The following ADAM10 variants were observed in gnomAD, a reference collection of about 807,000 sequenced individuals.
ADAM10 encodes ADAM metallopeptidase domain 10, also known as disintegrin and metalloproteinase domain-containing protein 10.
ADAM10 carries 17 observed loss-of-function variants against 90.1 expected under a neutral mutation model. That is an observed-to-expected ratio of 0.19 (90% CI 0.13 to 0.28). ADAM10 has a LOEUF of 0.28. Ranked by LOEUF, ADAM10 falls within the 10% of genes least tolerant of loss-of-function variation. The pLI, the probability that ADAM10 is intolerant of heterozygous loss-of-function variation, is 1.00. For synonymous variants in ADAM10, 310 were observed against 298.6 expected (o/e 1.04, Z -0.40); for missense variants, 610 against 914.3 (o/e 0.67, Z 4.29).
chr15:58,641,207 G>C (rs914824972), intron 7 of ADAM10, among the ~76,000 whole-genome samples: 1 of 152,178 alleles, frequency 6.6e-6, no homozygotes, highest in Non-Finnish European at 1.5e-5. Context: ...AAATTTCTGA[G>C]CAAGTATTCA....
chr15:58,638,225 T>TAA (rs1380679631), intron 8 of ADAM10, among the ~76,000 whole-genome samples: 1 of 150,986 alleles, frequency 6.6e-6, no homozygotes, highest in African/African-American at 2.4e-5. Flanking sequence ...GATAATAATA[T>TAA]AAAAGGAAAA....
At chr15:58,721,807 C>T (rs1898863523) in intron 1 of ADAM10, among the ~76,000 whole-genome samples, 1 of 152,082 alleles carries the variant, frequency 6.6e-6, no homozygotes, top group Admixed American at 6.5e-5. Flanking sequence ...GGGGGTGAAT[C>T]GCTTGAGGTC....
At chr15:58,617,221 A>G (rs1895641414) in intron 11 of ADAM10, among the ~76,000 whole-genome samples, 2 of 152,136 alleles carry the variant, frequency 1.3e-5, no homozygotes, top group African/African-American at 4.8e-5. Flanking sequence ...AAAATATCCA[A>G]ATAAAATCAG....
chr15:58,648,187 C>A (rs1380259610), intron 5 of ADAM10, among the ~76,000 whole-genome samples: 1 of 152,132 alleles, frequency 6.6e-6, no homozygotes, highest in Non-Finnish European at 1.5e-5. Flanking sequence ...GATATATACA[C>A]AATAAAACTT....
chr15:58,698,604 T>C (rs959964503), intron 2 of ADAM10, among the ~76,000 whole-genome samples: 13 of 146,400 alleles, frequency 8.9e-5, no homozygotes, highest in Admixed American at 5.4e-4. Flanking sequence ...TAGACAGATA[T>C]CATAAAAAAG....
In ADAM10 at chr15:58,717,559, A is replaced by G; in HGVS notation, c.206+18T>C. On this transcript the variant is annotated intron_variant, in intron 2 of 15. Transcript: ENST00000260408. ...ATATAGAGGAACTTCAGACACAGTC[A>G]GCAATAAATTTACTTACCTTCCATG... 1 of 1,613,768 alleles carries G rather than the reference A, an allele frequency of 6.2e-7. No individual in the cohort carries two copies. Among genetic ancestry groups the G allele is most frequent in the Non-Finnish European group, 8.5e-7 (1 of 1,179,864 alleles).
At chr15:58,693,347 G>A (rs539027151) in intron 2 of ADAM10, among the ~76,000 whole-genome samples, 7 of 152,242 alleles carry the variant, frequency 4.6e-5, no homozygotes, top group African/African-American at 1.4e-4. Context: ...ATTCTGCCTC[G>A]TAAATGGACC....
chr15:58,638,567 A>G (rs1187347710), intron 8 of ADAM10, among the ~76,000 whole-genome samples: 1 of 148,692 alleles, frequency 6.7e-6, no homozygotes, highest in East Asian at 2.0e-4. Flanking sequence ...GTGAGCGGAG[A>G]TCGCGCCACT....
chr15:58,649,718 A>T (rs775721307), intron 5 of ADAM10, among the ~76,000 whole-genome samples: 35 of 152,264 alleles, frequency 2.3e-4, no homozygotes, highest in Non-Finnish European at 2.8e-4. Context: ...TTTTAAGATT[A>T]TATCTTTGGC....
chr15:58,604,439 T>C (rs1895211143), intron 14 of ADAM10, among the ~76,000 whole-genome samples: 1 of 152,232 alleles, frequency 6.6e-6, no homozygotes, highest in African/African-American at 2.4e-5. Flanking sequence ...CCCAGTTCTG[T>C]GAAAACAGCA....
intron 14 of ADAM10, among the ~76,000 whole-genome samples, chr15:58,607,963 T>A (rs1895324930): frequency 6.6e-6 from 1 of 152,220 alleles, no homozygotes; most frequent in South Asian, 2.1e-4. Context: ...ACAGATTTAC[T>A]GATGAATGCT....
chr15:58,628,825 C>T (rs940432752), intron 9 of ADAM10, among the ~76,000 whole-genome samples: 1 of 152,172 alleles, frequency 6.6e-6, no homozygotes, highest in Non-Finnish European at 1.5e-5. Context: ...TGCCCAAGGA[C>T]GTTCTGTTTT....
chr15:58,638,582 T>C (rs1273483265), intron 8 of ADAM10, among the ~76,000 whole-genome samples: 1 of 129,700 alleles, frequency 7.7e-6, no homozygotes, highest in Non-Finnish European at 1.5e-5. Context: ...GCCACTGCAC[T>C]CCAGCCTGGG....
At chr15:58,674,566 A>T (rs1182784606) in intron 4 of ADAM10, among the ~76,000 whole-genome samples, 2 of 152,206 alleles carry the variant, frequency 1.3e-5, no homozygotes, top group Non-Finnish European at 2.9e-5. Flanking sequence ...ATCAATACTT[A>T]CCAATTCAAT....
intron 1 of ADAM10, among the ~76,000 whole-genome samples, chr15:58,730,504 G>A (rs1185346948): frequency 6.6e-6 from 1 of 151,370 alleles, no homozygotes; most frequent in African/African-American, 2.4e-5. Flanking sequence ...CCTACAAAAT[G>A]TTACAGAACA....
At position 58,607,956 on chromosome 15, in the gene ADAM10, G is replaced by T. The variant is rs149462527; in HGVS notation, c.2025+2341C>A. Among the ~76,000 whole-genome samples, 302 of 152,298 alleles carry T rather than the reference G, an allele frequency of 2.0e-3. 4 individuals are homozygous for T. The East Asian group carries it at 0.05, about 25-fold the overall frequency. Reference sequence around the variant, plus strand: ...GAGATGCTGAAATAAGGTCTCAACAGATTTACTGATGAATGCTCTTAAATG... The same window carrying T: ...GAGATGCTGAAATAAGGTCTCAACATATTTACTGATGAATGCTCTTAAATG... On this transcript the variant is annotated intron_variant, in intron 14 of 15. Coordinates refer to ENST00000260408, the MANE Select transcript of ADAM10 (RefSeq NM_001110.4).
rs386383146 is a variant in ADAM10, at chr15:58,701,022, C to CAAAAAAAAAA, written c.206+16545_206+16554dup. ...TCCAACTTAAAAAAAAACAAAAAAACAAAAAAAAAAAAACAGGGCAGAATT... is the reference window on the plus strand; with the variant it reads ...TCCAACTTAAAAAAAAACAAAAAAACAAAAAAAAAAAAAAAAAAAAAAACAGGGCAGAATT... On this transcript the variant is annotated intron_variant, in intron 2 of 15. Coordinates refer to ENST00000260408, the MANE Select transcript of ADAM10 (RefSeq NM_001110.4). 1.1e-4 allele frequency among the ~76,000 whole-genome samples: 8 copies of CAAAAAAAAAA among 70,908 alleles called. No homozygotes were observed. In the South Asian group the frequency reaches 1.1e-3, roughly 10 times the overall value. 46.5% of individuals were successfully genotyped at this position (70,908 alleles called of 152,430 possible).
At chr15:58,616,500 C>T (rs960191073) in intron 11 of ADAM10, among the ~76,000 whole-genome samples, 1 of 152,066 alleles carries the variant, frequency 6.6e-6, no homozygotes, top group Non-Finnish European at 1.5e-5. Flanking sequence ...TGTACAAACA[C>T]ATAAAAATTA....
chr15:58,683,784 T>C (rs1897509943), intron 2 of ADAM10, among the ~76,000 whole-genome samples: 1 of 138,130 alleles, frequency 7.2e-6, no homozygotes, highest in African/African-American at 2.8e-5. Flanking sequence ...TGCTTGAATC[T>C]GGGAGGTGGA....
Sources: allele counts gnomAD v4.1 joint callset (sites outside exome capture counted in the v4.1 genomes callset), GRCh38; gene constraint gnomAD v4.1.1; transcripts MANE v1.5; gene names NCBI Gene and HGNC (gene_info 2026-07-23, HGNC 2026-07-21).